TRAM2: variants seen among roughly 807,000 people sequenced by gnomAD.
The protein encoded by TRAM2 is translocating chain-associated membrane protein 2.
Under a neutral mutation model 51.0 loss-of-function variants are expected in TRAM2, and 12 were observed. The ratio of observed to expected loss-of-function variants is 0.24; its 90% CI spans 0.15 to 0.38. The LOEUF (loss-of-function observed/expected upper bound fraction) is 0.38. TRAM2 is among the 10% of genes least tolerant of loss of function. The pLI is 1.00. For synonymous variants in TRAM2, 175 were observed against 179.4 expected (o/e 0.98, Z 0.20); for missense variants, 361 against 462.0 (o/e 0.78, Z 2.00).
chr6:52,554,186 C>A (rs1056561226), intron 1 of TRAM2, among the ~76,000 whole-genome samples: 3 of 152,156 alleles, frequency 2.0e-5, no homozygotes, highest in African/African-American at 7.2e-5. Context: ...GCTTACTGCA[C>A]CCCTGGGAAG....
At chr6:52,544,567 G>A (rs1767164134) in intron 1 of TRAM2, among the ~76,000 whole-genome samples, 1 of 152,176 alleles carries the variant, frequency 6.6e-6, no homozygotes, top group African/African-American at 2.4e-5. Context: ...TAACACACTC[G>A]GCACTGGCGT....
At chr6:52,555,447 G>T (rs915398426) in intron 1 of TRAM2, among the ~76,000 whole-genome samples, 1 of 152,032 alleles carries the variant, frequency 6.6e-6, no homozygotes, top group African/African-American at 2.4e-5. Context: ...AGATATAAGC[G>T]TGGAGAAAAA....
intron 1 of TRAM2, among the ~76,000 whole-genome samples, chr6:52,559,860 T>G (rs1474448433): frequency 6.6e-6 from 1 of 152,208 alleles, no homozygotes; most frequent in African/African-American, 2.4e-5. Flanking sequence ...AATTCTTATC[T>G]CAAGTTTTTT....
intron 1 of TRAM2, among the ~76,000 whole-genome samples, chr6:52,548,907 A>C (rs1406795375): frequency 1.3e-5 from 2 of 152,138 alleles, no homozygotes; most frequent in Non-Finnish European, 2.9e-5. Flanking sequence ...GACCCAAAAA[A>C]CATCTGTTAG....
rs775528130 is a variant in TRAM2, at chr6:52,504,775, G to A, written c.876-21C>T. On this transcript the variant is annotated intron_variant, in intron 9 of 10. Transcript: ENST00000182527. ...AGAGCCTGCAGAGCAGGGGGTTAGG[G>A]GCTTAGGCTGGGGCTTGGGCTCACA... The A allele has an allele frequency of 7.0e-6, 11 of 1,578,198 alleles. No individual in the cohort carries two copies. The Admixed American group carries it at 2.0e-4, about 29-fold the overall frequency.
intron 2 of TRAM2, among the ~76,000 whole-genome samples, chr6:52,531,413 G>A (rs966546802): frequency 1.3e-5 from 2 of 152,162 alleles, no homozygotes; most frequent in African/African-American, 4.8e-5. Context: ...TAAAAGACAG[G>A]CTACTTAAAA....
chr6:52,522,270 AC>A lies in TRAM2; in HGVS notation c.185-5534del, dbSNP rs559205401. 3.4e-3 allele frequency among the ~76,000 whole-genome samples: 524 copies of A among 152,308 alleles called. 2 individuals carry two copies. Among genetic ancestry groups the A allele is most frequent in the Middle Eastern group, 0.014 (4 of 294 alleles). On this transcript the variant is annotated intron_variant, in intron 2 of 10. Coordinates refer to ENST00000182527, the MANE Select transcript of TRAM2 (RefSeq NM_012288.4). ...GGAACACACTAGAGAGGAGGGGCACACCCCACACTGTGTCCCACAGGGGTGA... is the reference window on the plus strand; with the variant it reads ...GGAACACACTAGAGAGGAGGGGCACACCCACACTGTGTCCCACAGGGGTGA...
chr6:52,513,009 G>A (rs1009420580), intron 4 of TRAM2, among the ~76,000 whole-genome samples: 72 of 152,092 alleles, frequency 4.7e-4, no homozygotes, highest in African/African-American at 1.7e-3. Flanking sequence ...AAGACCAAAC[G>A]CCCACCCATC....
intron 1 of TRAM2, among the ~76,000 whole-genome samples, chr6:52,551,897 C>T (rs1767316230): frequency 6.6e-6 from 1 of 152,194 alleles, no homozygotes; most frequent in Non-Finnish European, 1.5e-5. Flanking sequence ...TTATTTTTTT[C>T]CTTTTAAAAA....
Position 52,510,625 on chromosome 6 carries a change from T to G in TRAM2, c.412-1039A>C, listed in dbSNP as rs1766434606. Among the ~76,000 whole-genome samples, 4 of 152,218 alleles carry G rather than the reference T, an allele frequency of 2.6e-5. No individual in the cohort carries two copies. The South Asian group carries it at 8.3e-4, about 32-fold the overall frequency. ...GTGTTTGCTGACCAACACAGGGAAATGAAGATGTCTGCTCAGCCCATACCC... is the reference window on the plus strand; with the variant it reads ...GTGTTTGCTGACCAACACAGGGAAAGGAAGATGTCTGCTCAGCCCATACCC... On this transcript the variant is annotated intron_variant, in intron 4 of 10. Coordinates refer to ENST00000182527, the MANE Select transcript of TRAM2 (RefSeq NM_012288.4).
intron 1 of TRAM2, among the ~76,000 whole-genome samples, chr6:52,548,116 T>C (rs999851666): frequency 2.0e-5 from 3 of 152,224 alleles, no homozygotes; most frequent in African/African-American, 2.4e-5. Flanking sequence ...AAAAATCAAT[T>C]CTTCAATCAC....
chr6:52,566,228 TTCTC>T lies in TRAM2; in HGVS notation c.120+10564_120+10567del, dbSNP rs980679111. Among the ~76,000 whole-genome samples the T allele has an allele frequency of 7.2e-4, 109 of 152,220 alleles. 2 individuals carry two copies. Among genetic ancestry groups the T allele is most frequent in the African/African-American group, 2.5e-3 (104 of 41,518 alleles). On this transcript the variant is annotated intron_variant, in intron 1 of 10. Coordinates refer to ENST00000182527, the MANE Select transcript of TRAM2 (RefSeq NM_012288.4). ...ATAAGAAGGTCTAGAGAAAAGCCCT[TTCTC>T]TCTCCCAACTTTCACTGTCCTTGCC...
chr6:52,562,408 T>A (rs1429930435), intron 1 of TRAM2, among the ~76,000 whole-genome samples: 1 of 152,158 alleles, frequency 6.6e-6, no homozygotes, highest in African/African-American at 2.4e-5. Context: ...GTAACTTGTA[T>A]GAGGTGCCAG....
intron 1 of TRAM2, among the ~76,000 whole-genome samples, chr6:52,547,617 A>G (rs932738439): frequency 6.6e-6 from 1 of 152,112 alleles, no homozygotes; most frequent in African/African-American, 2.4e-5. Flanking sequence ...CTACACTGCC[A>G]CTCTCAGCAG....
intron 1 of TRAM2, among the ~76,000 whole-genome samples, chr6:52,547,341 G>C (rs1035544295): frequency 6.6e-6 from 1 of 152,156 alleles, no homozygotes; most frequent in Admixed American, 6.5e-5. Flanking sequence ...ATGCCCAAGA[G>C]GGTGCACTGG....
chr6:52,550,743 G>T (rs1231576858), intron 1 of TRAM2, among the ~76,000 whole-genome samples: 1 of 151,916 alleles, frequency 6.6e-6, no homozygotes, highest in African/African-American at 2.4e-5. Flanking sequence ...GTAGAGATGG[G>T]GTTTCATCAT....
intron 1 of TRAM2, among the ~76,000 whole-genome samples, chr6:52,575,907 T>G (rs960136012): frequency 6.6e-6 from 1 of 152,228 alleles, no homozygotes; most frequent in Non-Finnish European, 1.5e-5. Flanking sequence ...ACATTTTTCT[T>G]GCTCTGCAAG....
chr6:52,505,800 C>T (rs1004394295), intron 8 of TRAM2, 58 bp from the exon 9 acceptor site: 20 of 1,546,656 alleles, frequency 1.3e-5, no homozygotes, highest in Admixed American at 1.2e-4. Context: ...GGAATCTTCA[C>T]CCACTTCTCC....
intron 1 of TRAM2, among the ~76,000 whole-genome samples, chr6:52,554,501 C>A (rs2114099160): frequency 8.0e-6 from 1 of 124,772 alleles, no homozygotes; most frequent in East Asian, 2.3e-4. Flanking sequence ...GCCTGGGCAA[C>A]AGAGTGAGAC....
Sources: allele counts gnomAD v4.1 joint callset (sites outside exome capture counted in the v4.1 genomes callset), GRCh38; gene constraint gnomAD v4.1.1; transcripts MANE v1.5; gene names NCBI Gene and HGNC (gene_info 2026-07-23, HGNC 2026-07-21).